EPHB2: variants seen among roughly 807,000 people sequenced by gnomAD.
EPHB2 encodes the protein EPH receptor B2, also known as ephrin type-B receptor 2.
Under a neutral mutation model 96.4 loss-of-function variants are expected in EPHB2, and 18 were observed. The observed-to-expected ratio is 0.19, with a 90% CI of 0.13 to 0.28. The LOEUF (loss-of-function observed/expected upper bound fraction) is 0.28. Among genes scored for constraint, EPHB2 ranks in the 10% least tolerant of loss-of-function variants. The pLI, the probability that EPHB2 is intolerant of heterozygous loss-of-function variation, is 1.00. For missense variants in EPHB2, 989 were observed against 1,355.4 expected (o/e 0.73, Z 4.25); for synonymous variants, 506 against 534.1 (o/e 0.95, Z 0.72).
At chr1:22,731,593 A>G (rs193094499) in intron 1 of EPHB2, among the ~76,000 whole-genome samples, 1 of 152,254 alleles carries the variant, frequency 6.6e-6, no homozygotes, top group Admixed American at 6.5e-5. Flanking sequence ...TAATCCCAGC[A>G]CTTTGGGAGG....
chr1:22,884,046 T>A (rs1037790226), intron 6 of EPHB2, among the ~76,000 whole-genome samples: 1 of 129,720 alleles, frequency 7.7e-6, no homozygotes, highest in African/African-American at 2.9e-5. Context: ...ATCTTCAGGG[T>A]CCCTCCCAAA....
intron 1 of EPHB2, among the ~76,000 whole-genome samples, chr1:22,763,082 G>T (rs1398026577): frequency 1.3e-5 from 2 of 152,168 alleles, no homozygotes; most frequent in African/African-American, 2.4e-5. Context: ...GGCCCACGCA[G>T]GGGTTCCCTG....
chr1:22,779,331 C>T (rs1215174588), intron 1 of EPHB2, among the ~76,000 whole-genome samples: 1 of 152,172 alleles, frequency 6.6e-6, no homozygotes, highest in Non-Finnish European at 1.5e-5. Context: ...TGTGCCAGCC[C>T]CCAGTGCAAA....
Position 22,920,723 on chromosome 1 carries a change from AC to A in EPHB2, c.*7155del, listed in dbSNP as rs1430531781. The A allele has an allele frequency of 1.3e-5, 2 of 152,156 alleles. No individual in the cohort carries two copies. Among genetic ancestry groups the A allele is most frequent in the African/African-American group, 2.4e-5 (1 of 41,424 alleles). 9.4% of individuals were successfully genotyped at this position (152,156 alleles called of 1,614,324 possible). Reference sequence around the variant, plus strand: ...GGCCAGGCAGGGACATTCACTCACAACCAGCCTTTTTGGACTCTAGAGAAGA... The same window carrying A: ...GGCCAGGCAGGGACATTCACTCACAACAGCCTTTTTGGACTCTAGAGAAGA... On this transcript the variant is annotated 3_prime_UTR_variant, in exon 16 of 16. Transcript: ENST00000374630.
chr1:22,902,428 C>G (rs946044086), intron 9 of EPHB2, among the ~76,000 whole-genome samples: 1 of 152,188 alleles, frequency 6.6e-6, no homozygotes, highest in Non-Finnish European at 1.5e-5. Flanking sequence ...AGCCAACATT[C>G]TAAAGCAAGG....
At chr1:22,799,187 C>T (rs1409708846) in intron 3 of EPHB2, among the ~76,000 whole-genome samples, 1 of 152,178 alleles carries the variant, frequency 6.6e-6, no homozygotes, top group Non-Finnish European at 1.5e-5. Flanking sequence ...GTGTCACCGT[C>T]TGTAGAATGT....
intron 5 of EPHB2, among the ~76,000 whole-genome samples, chr1:22,874,947 G>T (rs1250460038): frequency 6.6e-6 from 1 of 152,184 alleles, no homozygotes; most frequent in Non-Finnish European, 1.5e-5. Context: ...TTAACTGGAT[G>T]TCTCCCCTGC....
At chr1:22,836,801 G>C (rs1283674066) in intron 3 of EPHB2, 1 of 152,332 alleles carries the variant, frequency 6.6e-6, no homozygotes, top group Non-Finnish European at 1.5e-5. Flanking sequence ...CTGTCCAATG[G>C]ACAAAGCTGT....
chr1:22,780,922 G>GT lies in EPHB2; in HGVS notation c.62-498dup, dbSNP rs1644520330. ...CTGTGGGGGTAGGCGGGATAATGGA[G>GT]TAGAGAGGCGGAGTCTAAACCGAGG... On this transcript the variant is annotated intron_variant, in intron 1 of 15. Transcript: ENST00000374630. Among the ~76,000 whole-genome samples, 4 of 152,086 alleles carry GT rather than the reference G, an allele frequency of 2.6e-5. No homozygotes were observed. The South Asian group carries it at 8.3e-4, about 32-fold the overall frequency.
At chr1:22,753,426 T>G (rs968977634) in intron 1 of EPHB2, among the ~76,000 whole-genome samples, 14 of 152,294 alleles carry the variant, frequency 9.2e-5, no homozygotes, top group African/African-American at 2.9e-4. Flanking sequence ...GGTCCTGCAC[T>G]GGGCTGTCAT....
At chr1:22,771,806 A>G (rs1050852316) in intron 1 of EPHB2, among the ~76,000 whole-genome samples, 9 of 152,208 alleles carry the variant, frequency 5.9e-5, no homozygotes, top group African/African-American at 2.2e-4. Flanking sequence ...AAAAGGCTTT[A>G]AAAATTAAAG....
chr1:22,837,231 G>C (rs753364978), intron 3 of EPHB2, among the ~76,000 whole-genome samples: 82 of 152,300 alleles, frequency 5.4e-4, no homozygotes, highest in African/African-American at 2.0e-3. Flanking sequence ...CCTGAAGGGG[G>C]GAAGCCATTC....
At chr1:22,722,597 C>T (rs1344721474) in intron 1 of EPHB2, among the ~76,000 whole-genome samples, 2 of 152,210 alleles carry the variant, frequency 1.3e-5, no homozygotes, top group Non-Finnish European at 2.9e-5. Context: ...GTTTTCCACG[C>T]TCCAGAACAA....
Position 22,829,123 on chromosome 1 carries a change from T to C in EPHB2, c.812-33914T>C, listed in dbSNP as rs144434423. 1.9e-3 allele frequency among the ~76,000 whole-genome samples: 295 copies of C among 152,402 alleles called. 3 individuals carry two copies. The highest frequency in any genetic ancestry group is 3.4e-3 in the Middle Eastern group (1 of 294). On this transcript the variant is annotated intron_variant, in intron 3 of 15. Transcript: ENST00000374630. ...ATTTTACGTGTCTTGTGCCAGATCC[T>C]GTGCAAAGCACGTGACACTGACTGA...
intron 5 of EPHB2, among the ~76,000 whole-genome samples, chr1:22,880,522 G>A (rs560154146): frequency 1.6e-3 from 248 of 152,328 alleles, no homozygotes; most frequent in African/African-American, 5.6e-3. Context: ...CAAAAATCTC[G>A]GGCCCAGAGA....
chr1:22,802,092 G>A (rs1195523519), intron 3 of EPHB2, among the ~76,000 whole-genome samples: 1 of 152,122 alleles, frequency 6.6e-6, no homozygotes, highest in Non-Finnish European at 1.5e-5. Context: ...GCTGGTGAAT[G>A]TCACGTCCAG....
intron 3 of EPHB2, among the ~76,000 whole-genome samples, chr1:22,805,597 CTG>C (rs1360571090): frequency 2.0e-5 from 3 of 152,202 alleles, no homozygotes; most frequent in East Asian, 1.9e-4. Context: ...GGATCAGAGA[CTG>C]TGAGCAGCCA....
chr1:22,742,200 G>C (rs1049863854), intron 1 of EPHB2, among the ~76,000 whole-genome samples: 1 of 152,162 alleles, frequency 6.6e-6, no homozygotes, highest in Non-Finnish European at 1.5e-5. Flanking sequence ...CTCCAGGCTC[G>C]TGGTATGGAC....
In EPHB2 at chr1:22,895,695, G is replaced by C. The variant is rs891881735; in HGVS notation, c.1700+115G>C. The C allele has an allele frequency of 1.3e-5, 13 of 994,344 alleles. No individual in the cohort carries two copies. The Admixed American group carries it at 1.8e-4, about 14-fold the overall frequency. 61.6% of individuals were successfully genotyped at this position (994,344 alleles called of 1,614,324 possible). ...CCGAGGAGGCATTCTCACAATTGCA[G>C]GGAGAGATGTGGGTAGGAAGTGGAA... On this transcript the variant is annotated intron_variant, in intron 8 of 15. Coordinates refer to ENST00000374630, the MANE Select transcript of EPHB2 (RefSeq NM_017449.5).
Sources: gnomAD v4.1 joint callset for allele counts (sites outside exome capture counted in the v4.1 genomes callset) on GRCh38, gnomAD v4.1.1 for gene constraint, MANE v1.5 for transcripts, NCBI Gene and HGNC (gene_info 2026-07-23, HGNC 2026-07-21) for gene names.